Variants in COPS9 observed in about 807,000 individuals in gnomAD.
COPS9 encodes the protein COP9 signalosome subunit 9, also known as COP9 signalosome complex subunit 9.
In COPS9, 8 loss-of-function variants were observed where a neutral mutation model predicts 7.2. The ratio of observed to expected loss-of-function variants is 1.11; its 90% CI spans 0.65 to 2.00. COPS9 has a LOEUF of 2.00. Ranked by LOEUF, COPS9 falls within the 30% of genes most tolerant of loss-of-function variation. The pLI is 0.00. For missense variants in COPS9, 74 were observed against 77.7 expected, an observed-to-expected ratio of 0.95 and a Z score of 0.18; for synonymous variants, 39 against 28.7, an observed-to-expected ratio of 1.36 and a Z score of -1.14.
In COPS9 at chr2:240,136,267, G is replaced by T; in HGVS notation, c.18C>A (p.Asp6Glu). The change falls in exon 1 of 3, where the codon GAC becomes GAA. Residue 6 changes from aspartate (D) to glutamate (E), a missense_variant. Asp to Glu is a conservative substitution (Grantham distance 45). Transcript: ENST00000607357. MKPAV[D>E]EMFPEGAGPY... ...GCCCGGCGCCCTCGGGGAACATCTC[G>T]TCCACCGCCGGCTTCATCTCGGGGC... 1 of 1,569,932 alleles carries T rather than the reference G, an allele frequency of 6.4e-7. No individual in the cohort carries two copies. The highest frequency in any genetic ancestry group is 8.6e-7 in the Non-Finnish European group (1 of 1,161,834).
chr2:240,128,137 G>A (rs1389629280), downstream of COPS9, among the ~76,000 whole-genome samples: 3 of 152,212 alleles, frequency 2.0e-5, no homozygotes, highest in Admixed American at 6.5e-5. Context: ...CGCAGAAGGT[G>A]GGCGAATCAC....
Position 240,134,258 on chromosome 2 carries a change from T to C in COPS9, c.64-253A>G, listed in dbSNP as rs182424571. 4.8e-3 allele frequency: 2,289 copies of C among 477,940 alleles called. 25 individuals are homozygous for C. The highest frequency in any genetic ancestry group is 0.016 in the Middle Eastern group (29 of 1,764). The allele number at this position is 477,940 out of a possible 1,614,324, so 29.6% of individuals were successfully genotyped here. A position where few individuals can be genotyped will look rare whatever the true frequency, so the allele number is the denominator to read the frequency against. ...CCTGTCTGCCTTTAAAAAAGAAACC[T>C]ACCACTGACCTAAGCACCACTACTT... On this transcript the variant is annotated intron_variant, in intron 1 of 2. Transcript: ENST00000607357.
downstream of COPS9, among the ~76,000 whole-genome samples, chr2:240,128,596 G>A (rs994228346): frequency 3.9e-5 from 6 of 152,272 alleles, no homozygotes; most frequent in Admixed American, 2.0e-4. Context: ...GGCAGGGATC[G>A]GTATAGAGGT....
downstream of COPS9, among the ~76,000 whole-genome samples, chr2:240,128,203 C>T (rs903942337): frequency 2.0e-5 from 3 of 152,234 alleles, no homozygotes; most frequent in East Asian, 1.9e-4. Flanking sequence ...CCCTGGGAGG[C>T]GTGTTACCAG....
chr2:240,136,040 G>T, intron 1 of COPS9, 182 bp downstream of exon 1: 1 of 1,038,412 alleles, frequency 9.6e-7, no homozygotes, highest in Non-Finnish European at 1.3e-6. Context: ...GTCGGTCGCC[G>T]CCTTTCACCA....
intron 1 of COPS9, chr2:240,135,947 G>A (rs962440600): frequency 2.0e-6 from 1 of 489,782 alleles, no homozygotes; most frequent in African/African-American, 2.0e-5. Flanking sequence ...TGTTCCCGGG[G>A]GCCGTGGGGG....
chr2:240,133,823 C>A, intron 2 of COPS9, 110 bp downstream of exon 2: 1 of 1,087,562 alleles, frequency 9.2e-7, no homozygotes. Flanking sequence ...AGCGCAGGGG[C>A]TCTACCACCT....
chr2:240,130,979 A>C lies in COPS9; in HGVS notation c.*72T>G. The C allele has an allele frequency of 1.3e-6, 2 of 1,574,670 alleles. No individual in the cohort carries two copies. The highest frequency in any genetic ancestry group is 8.6e-7 in the Non-Finnish European group (1 of 1,162,668). ...TCCACGTGTTCTTTAAAACCACCTG[A>C]AACTGTCCTGCGCAGGCTCACACTG... On this transcript the variant is annotated 3_prime_UTR_variant, in exon 3 of 3. Coordinates refer to ENST00000607357, the MANE Select transcript of COPS9 (RefSeq NM_001163424.2).
chr2:240,133,532 C>T (rs1182916760), intron 2 of COPS9, among the ~76,000 whole-genome samples: 4 of 152,196 alleles, frequency 2.6e-5, no homozygotes, highest in Non-Finnish European at 5.9e-5. Context: ...CAGGCAAACA[C>T]AGGTGGGCTG....
chr2:240,136,048 C>A, intron 1 of COPS9, 174 bp downstream of exon 1: 1 of 1,097,330 alleles, frequency 9.1e-7, no homozygotes, highest in Non-Finnish European at 1.2e-6. Flanking sequence ...CCGCCTTTCA[C>A]CAGGTGCTCG....
intron 2 of COPS9, among the ~76,000 whole-genome samples, 175 bp from the exon 3 acceptor site, chr2:240,131,263 T>C (rs1034822400): frequency 2.0e-5 from 3 of 152,208 alleles, no homozygotes; most frequent in Non-Finnish European, 4.4e-5. Context: ...GGCTCGTACA[T>C]GTAGTCCAAG....
At chr2:240,134,425 T>C in intron 1 of COPS9, 1 of 174,764 alleles carries the variant, frequency 5.7e-6, no homozygotes, top group South Asian at 1.3e-4. Flanking sequence ...CCGAGGAAAC[T>C]GACCTGCTCT....
At chr2:240,134,694 T>C (rs1021453614) in intron 1 of COPS9, among the ~76,000 whole-genome samples, 1 of 152,102 alleles carries the variant, frequency 6.6e-6, no homozygotes, top group Non-Finnish European at 1.5e-5. Context: ...GATCCCCACA[T>C]AGCTGCATGC....
In COPS9 at chr2:240,132,522, T is replaced by C. The variant is rs2071933090; in HGVS notation, c.136+1411A>G. On this transcript the variant is annotated intron_variant, in intron 2 of 2. Coordinates refer to ENST00000607357, the MANE Select transcript of COPS9 (RefSeq NM_001163424.2). This position sits in a 1 kb window ranked among gnomAD's most constrained non-coding sequence, Gnocchi z 4.1. ...CTCAAAGGCAGACACGCGCCCACAA[T>C]GCTCAGGTTGCTGGGCGCTCACCTG... is the stretch of plus-strand genomic sequence containing the variant. Among the ~76,000 whole-genome samples the C allele has an allele frequency of 6.6e-6, 1 of 152,102 alleles. No individual in the cohort carries two copies. The highest frequency in any genetic ancestry group is 1.5e-5 in the Non-Finnish European group (1 of 68,030).
rs955107470 is a variant in COPS9, at chr2:240,134,572, C to G, written c.64-567G>C. ...ATTTTGGGTCCTGTTTAGAGTCAACCGGTGACAGAGGGAGCAGATTCCTCT... is the reference window on the plus strand; with the variant it reads ...ATTTTGGGTCCTGTTTAGAGTCAACGGGTGACAGAGGGAGCAGATTCCTCT... On this transcript the variant is annotated intron_variant, in intron 1 of 2. Coordinates refer to ENST00000607357, the MANE Select transcript of COPS9 (RefSeq NM_001163424.2). Among the ~76,000 whole-genome samples the G allele has an allele frequency of 5.3e-5, 8 of 152,126 alleles. No individual in the cohort carries two copies. The East Asian group carries it at 1.5e-3, about 29-fold the overall frequency.
Position 240,130,870 on chromosome 2 carries a change from C to T in COPS9, c.*181G>A, listed in dbSNP as rs2071914907. On this transcript the variant is annotated 3_prime_UTR_variant, in exon 3 of 3. Coordinates refer to ENST00000607357, the MANE Select transcript of COPS9 (RefSeq NM_001163424.2). ...AATTGGAGTGAGGACAAAACCTGAT[C>T]CCGTTCAGAGATGAACAGAATCATC... 17 of 1,424,930 alleles carry T rather than the reference C, an allele frequency of 1.2e-5. No individual in the cohort carries two copies. The highest frequency in any genetic ancestry group is 1.6e-5 in the Non-Finnish European group (17 of 1,091,178). 88.3% of individuals were successfully genotyped at this position (1,424,930 alleles called of 1,614,324 possible). A position where few individuals can be genotyped will look rare whatever the true frequency, so the allele number is the denominator to read the frequency against.
downstream of COPS9, chr2:240,130,785 G>A: frequency 7.3e-7 from 1 of 1,361,776 alleles, no homozygotes; most frequent in Non-Finnish European, 9.4e-7. Context: ...TTTAGGGACT[G>A]CAACATTCAC....
chr2:240,129,428 A>G (rs984331235), downstream of COPS9, among the ~76,000 whole-genome samples: 6 of 152,148 alleles, frequency 3.9e-5, no homozygotes, highest in Non-Finnish European at 7.4e-5. Context: ...ACCCTCCCCA[A>G]GAGCTGGGAT....
downstream of COPS9, chr2:240,126,643 A>C: frequency 6.2e-7 from 1 of 1,614,056 alleles, no homozygotes; most frequent in East Asian, 2.2e-5. Context: ...TCACTCTTAA[A>C]ACATTTACCC....
Sources: gnomAD v4.1 joint callset for allele counts (sites outside exome capture counted in the v4.1 genomes callset) on GRCh38, gnomAD v4.1.1 for gene constraint, Gnocchi (gnomAD v3.1) non-coding constraint, MANE v1.5 for transcripts, NCBI Gene and HGNC (gene_info 2026-07-23, HGNC 2026-07-21) for gene names.